Variants in ATP6AP2 observed in about 807,000 individuals in gnomAD.
ATP6AP2 encodes the protein renin receptor.
Under a neutral mutation model 23.4 loss-of-function variants are expected in ATP6AP2, and 1 was observed. The ratio of observed to expected loss-of-function variants is 0.04; its 90% CI spans 0.02 to 0.20. ATP6AP2 has a LOEUF of 0.20. ATP6AP2 is among the 10% of genes least tolerant of loss of function. The pLI is 1.00. For synonymous variants in ATP6AP2, 90 were observed against 97.1 expected, an observed-to-expected ratio of 0.93 and a Z score of 0.43; for missense variants, 174 against 271.3, an observed-to-expected ratio of 0.64 and a Z score of 2.52.
chrX:40,587,004 T>A (rs184233052), intron 1 of ATP6AP2, among the ~76,000 whole-genome samples: 1 of 112,672 alleles, frequency 8.9e-6, no homozygotes, highest in African/African-American at 3.2e-5. Flanking sequence ...GCGCGGTGGC[T>A]CACGCCTGTA....
At chrX:40,587,923 C>T (rs984634143) in intron 1 of ATP6AP2, among the ~76,000 whole-genome samples, 1 of 112,888 alleles carries the variant, frequency 8.9e-6, no homozygotes, top group Non-Finnish European at 1.9e-5. Flanking sequence ...AACAACCAAT[C>T]GTGTTCACTT....
chrX:40,589,918 A>C (rs1926579344), intron 2 of ATP6AP2: 1 of 112,583 alleles, frequency 8.9e-6, no homozygotes, highest in African/African-American at 3.2e-5. Flanking sequence ...GCACCCTTGA[A>C]AACAGAAACT....
At chrX:40,605,082 T>A (rs1251318518) in intron 8 of ATP6AP2, 1 of 120,189 alleles carries the variant, frequency 8.3e-6, no homozygotes, top group Non-Finnish European at 1.7e-5. Flanking sequence ...TACAGGCACC[T>A]GCCACGCCTG....
Position 40,581,029 on chromosome X carries a change from C to T in ATP6AP2, c.-37C>T. ...GTCGCCCGTGTCCCGCCGGCCCGTT[C>T]CGTGTCGCCCCGCAGTGCTGCGGCC... On this transcript the variant is annotated 5_prime_UTR_variant, in exon 1 of 9. Transcript: ENST00000636580. 3 of 1,163,532 alleles carry T rather than the reference C, an allele frequency of 2.6e-6. No individual in the cohort carries two copies. Among genetic ancestry groups the T allele is most frequent in the Non-Finnish European group, 3.4e-6 (3 of 871,280 alleles).
At chrX:40,587,884 A>G (rs138866537) in intron 1 of ATP6AP2, among the ~76,000 whole-genome samples, 1,548 of 112,559 alleles carry the variant, frequency 0.014, 27 homozygotes, top group African/African-American at 0.047. Flanking sequence ...TAAAAAAATA[A>G]CTAGGTACAA....
chrX:40,597,809 A>G, intron 5 of ATP6AP2, 145 bp downstream of exon 5: 1 of 631,925 alleles, frequency 1.6e-6, no homozygotes, highest in Non-Finnish European at 2.5e-6. Context: ...AAGTGCTGGG[A>G]TCACAGGCTT....
At chrX:40,605,398 TCTCCACAAAGGCG>T (rs1382105690) in intron 8 of ATP6AP2, 150 bp from the exon 9 acceptor site, 2 of 476,516 alleles carry the variant, frequency 4.2e-6, no homozygotes, top group Non-Finnish European at 3.6e-6. Flanking sequence ...GCAAGTGTCG[TCTCCACAAAGGCG>T]CTCCTTCTTG....
At chrX:40,602,931 TTTTTTTTTTTG>T (rs200863081) in intron 8 of ATP6AP2, among the ~76,000 whole-genome samples, 1,509 of 30,724 alleles carry the variant, frequency 0.049, 39 homozygotes, top group Middle Eastern at 0.095. Context: ...TTTTTTTTTT[TTTTTTTTTTTG>T]GATTTTTTGG....
At chrX:40,601,794 T>TGGAGTC (rs756629903) in intron 8 of ATP6AP2, among the ~76,000 whole-genome samples, 6 of 111,803 alleles carry the variant, frequency 5.4e-5, no homozygotes, top group African/African-American at 1.3e-4. Flanking sequence ...GTGTGGGACT[T>TGGAGTC]GGAGTCGGAA....
At chrX:40,600,062 G>C (rs1168386145) in intron 7 of ATP6AP2, 1 of 252,173 alleles carries the variant, frequency 4.0e-6, no homozygotes, top group Non-Finnish European at 7.2e-6. Context: ...GTGCAAGTAC[G>C]TTCACATGTT....
intron 8 of ATP6AP2, among the ~76,000 whole-genome samples, chrX:40,603,837 C>T (rs1157267317): frequency 8.9e-6 from 1 of 111,768 alleles, no homozygotes; most frequent in Non-Finnish European, 1.9e-5. Flanking sequence ...AACTCCTGGG[C>T]TCAGGTGATC....
rs780118716 is a variant in ATP6AP2 at position 40,589,008 on chromosome X, T to C, written c.60T>C (p.Ser20=). Residue 20 remains serine, a synonymous_variant, in exon 2 of 9, where the codon AGT becomes AGC. Transcript: ENST00000636580. ...CAGGTGTTTTGGGGAACGAGTTTAG[T>C]ATATTAAAATCACCAGGGTCTGTTG... is the stretch of plus-strand genomic sequence containing the variant. ...LVAGVLGNEF[S]ILKSPGSVVF... 1 of 1,208,225 alleles carries C rather than the reference T, an allele frequency of 8.3e-7. No homozygotes were observed. Among genetic ancestry groups the C allele is most frequent in the African/African-American group, 1.7e-5 (1 of 57,146 alleles).
chrX:40,601,063 C>A, intron 8 of ATP6AP2, 182 bp downstream of exon 8: 1 of 446,386 alleles, frequency 2.2e-6, no homozygotes, highest in Admixed American at 4.1e-5. Context: ...CAGTGATGAT[C>A]AGTTCTTTAG....
chrX:40,599,303 G>A, intron 6 of ATP6AP2: 2 of 312,071 alleles, frequency 6.4e-6, no homozygotes, highest in South Asian at 3.8e-5. Flanking sequence ...TCTTTCATAC[G>A]TTGGCCCATA....
intron 3 of ATP6AP2, among the ~76,000 whole-genome samples, chrX:40,594,133 T>C (rs1295367093): frequency 8.9e-6 from 1 of 112,568 alleles, no homozygotes; most frequent in East Asian, 2.7e-4. Flanking sequence ...ATTAGCCTGA[T>C]TTAATCAGTC....
chrX:40,601,429 T>A (rs967962265), intron 8 of ATP6AP2, among the ~76,000 whole-genome samples: 5 of 112,185 alleles, frequency 4.5e-5, no homozygotes, highest in African/African-American at 1.6e-4. Flanking sequence ...TGTGTGCACC[T>A]CTTTATGATT....
intron 3 of ATP6AP2, among the ~76,000 whole-genome samples, chrX:40,593,050 C>T (rs1267210752): frequency 4.5e-5 from 5 of 111,998 alleles, no homozygotes; most frequent in Admixed American, 3.8e-4. Context: ...GAGTCCGAGA[C>T]CAGCCTGGCC....
At chrX:40,599,501 T>G (rs1395614155) in intron 6 of ATP6AP2, 91 bp from the exon 7 acceptor site, 1 of 1,061,512 alleles carries the variant, frequency 9.4e-7, no homozygotes, top group Non-Finnish European at 1.3e-6. Context: ...TTTAGCCTAG[T>G]TTAGTTAGGC....
chrX:40,591,182 G>T (rs867735518), intron 2 of ATP6AP2, 52 bp from the exon 3 acceptor site: 1 of 1,204,794 alleles, frequency 8.3e-7, no homozygotes, highest in Middle Eastern at 3.2e-4. Context: ...TATTGGGGAG[G>T]TGGGTTCCTG....
Sources: gnomAD v4.1 joint callset for allele counts (sites outside exome capture counted in the v4.1 genomes callset) on GRCh38, gnomAD v4.1.1 for gene constraint, MANE v1.5 for transcripts, NCBI Gene and HGNC (gene_info 2026-07-23, HGNC 2026-07-21) for gene names.